Variants in STK39 observed in about 807,000 individuals in gnomAD.
STK39 encodes STE20/SPS1-related proline-alanine-rich protein kinase.
A neutral mutation model predicts 77.8 loss-of-function variants in STK39; 20 were observed. That is an observed-to-expected ratio of 0.26 (90% CI 0.18 to 0.37). The LOEUF is 0.37. Among genes scored for constraint, STK39 ranks in the 10% least tolerant of loss-of-function variants. STK39 has a pLI of 1.00. For missense variants in STK39, 479 were observed against 656.5 expected (o/e 0.73, Z 2.95); for synonymous variants, 246 against 234.1 (o/e 1.05, Z -0.47).
chr2:168,007,780 G>A (rs1294933492), intron 16 of STK39, among the ~76,000 whole-genome samples: 2 of 152,258 alleles, frequency 1.3e-5, no homozygotes, highest in African/African-American at 4.8e-5. Context: ...TCTGAGAAGT[G>A]AGAGGGGACA....
At chr2:168,192,814 G>C (rs73031026) in intron 1 of STK39, among the ~76,000 whole-genome samples, 1 of 152,134 alleles carries the variant, frequency 6.6e-6, no homozygotes, top group Non-Finnish European at 1.5e-5. Context: ...CAGACACCTG[G>C]ATAGAAACTA....
chr2:168,027,298 C>T (rs1448652540), intron 14 of STK39, among the ~76,000 whole-genome samples: 1 of 152,158 alleles, frequency 6.6e-6, no homozygotes, highest in African/African-American at 2.4e-5. Flanking sequence ...ATACTTTCCC[C>T]TCCCCTCCAA....
At chr2:168,105,209 T>G (rs1686938449) in intron 10 of STK39, among the ~76,000 whole-genome samples, 1 of 152,196 alleles carries the variant, frequency 6.6e-6, no homozygotes, top group South Asian at 2.1e-4. Context: ...GCCTGAAAGT[T>G]TGTTAGTATG....
At chr2:168,047,890 C>T (rs1196115281) in intron 14 of STK39, among the ~76,000 whole-genome samples, 1 of 152,180 alleles carries the variant, frequency 6.6e-6, no homozygotes, top group Admixed American at 6.5e-5. Context: ...TCTTCCATAT[C>T]CAAATTCATT....
intron 8 of STK39, among the ~76,000 whole-genome samples, chr2:168,136,145 A>G (rs930741682): frequency 6.6e-5 from 10 of 151,976 alleles, no homozygotes; most frequent in East Asian, 1.9e-4. Flanking sequence ...AAGGCGGGCG[A>G]ATCACGAGGT....
At chr2:168,230,644 AG>A (rs1176048979) in intron 1 of STK39, among the ~76,000 whole-genome samples, 1 of 152,220 alleles carries the variant, frequency 6.6e-6, no homozygotes, top group South Asian at 2.1e-4. Flanking sequence ...TAGCTGATAC[AG>A]GGAATGTCAG....
chr2:168,129,213 T>A (rs941800981), intron 10 of STK39, among the ~76,000 whole-genome samples: 3 of 152,242 alleles, frequency 2.0e-5, no homozygotes, highest in African/African-American at 7.2e-5. Context: ...ATGCCTCTTC[T>A]GTAAAACCCA....
intron 1 of STK39, among the ~76,000 whole-genome samples, chr2:168,231,206 C>T (rs1446798316): frequency 1.3e-5 from 2 of 152,164 alleles, no homozygotes; most frequent in African/African-American, 2.4e-5. Context: ...TATTCCAATA[C>T]AAATACCACT....
At chr2:167,967,713 T>G (rs1449649655) in intron 16 of STK39, among the ~76,000 whole-genome samples, 1 of 152,226 alleles carries the variant, frequency 6.6e-6, no homozygotes, top group African/African-American at 2.4e-5. Context: ...GACACTTTTT[T>G]GGCAAACTAA....
chr2:168,111,715 G>T (rs190719867), intron 10 of STK39, among the ~76,000 whole-genome samples: 69 of 152,266 alleles, frequency 4.5e-4, no homozygotes, highest in African/African-American at 1.5e-3. Context: ...TAAATTCAAA[G>T]AAAAGTTTGC....
At chr2:168,048,004 C>A (rs1685289353) in intron 14 of STK39, among the ~76,000 whole-genome samples, 1 of 152,182 alleles carries the variant, frequency 6.6e-6, no homozygotes, top group South Asian at 2.1e-4. Flanking sequence ...CAGACGACGG[C>A]ACAGAGTTTT....
intron 10 of STK39, among the ~76,000 whole-genome samples, chr2:168,090,704 G>A (rs978345683): frequency 1.3e-5 from 2 of 152,196 alleles, no homozygotes; most frequent in African/African-American, 4.8e-5. Flanking sequence ...TGGGCCAAGA[G>A]TCTCACCCTG....
At chr2:168,050,122 A>G (rs1005738456) in intron 14 of STK39, among the ~76,000 whole-genome samples, 5 of 152,212 alleles carry the variant, frequency 3.3e-5, no homozygotes, top group African/African-American at 4.8e-5. Flanking sequence ...CTTCTTTGTA[A>G]CATTTGGCAT....
intron 1 of STK39, among the ~76,000 whole-genome samples, chr2:168,219,383 A>G (rs1213728184): frequency 6.6e-6 from 1 of 152,138 alleles, no homozygotes; most frequent in Non-Finnish European, 1.5e-5. Flanking sequence ...AGCAGAATAC[A>G]GATAAGTCAG....
chr2:167,995,778 A>G (rs1224329217), intron 16 of STK39, among the ~76,000 whole-genome samples: 1 of 152,218 alleles, frequency 6.6e-6, no homozygotes, highest in Non-Finnish European at 1.5e-5. Flanking sequence ...GCAGTAATTC[A>G]ACAATGAACA....
At chr2:168,117,388 T>C (rs537531220) in intron 10 of STK39, among the ~76,000 whole-genome samples, 5 of 152,244 alleles carry the variant, frequency 3.3e-5, no homozygotes, top group African/African-American at 9.6e-5. Flanking sequence ...ATTTGAAAAA[T>C]AGTTACTAAT....
At chr2:168,130,114 A>AC (rs1687641260) in intron 8 of STK39, among the ~76,000 whole-genome samples, 2 of 152,206 alleles carry the variant, frequency 1.3e-5, no homozygotes, top group African/African-American at 4.8e-5. Context: ...CATACAAGCT[A>AC]CCATATGACC....
At chr2:167,975,073 T>A (rs1322814173) in intron 16 of STK39, among the ~76,000 whole-genome samples, 1 of 152,220 alleles carries the variant, frequency 6.6e-6, no homozygotes, top group Non-Finnish European at 1.5e-5. Context: ...AAAGTTAATA[T>A]GTCTAATGTT....
At chr2:168,106,599 C>T (rs966890925) in intron 10 of STK39, among the ~76,000 whole-genome samples, 6 of 152,148 alleles carry the variant, frequency 3.9e-5, no homozygotes, top group Non-Finnish European at 7.3e-5. Context: ...GCAGGAGGAT[C>T]GCTTGAGCTC....
Sources: allele counts gnomAD v4.1 joint callset (sites outside exome capture counted in the v4.1 genomes callset), GRCh38; gene constraint gnomAD v4.1.1; transcripts MANE v1.5; gene names NCBI Gene and HGNC (gene_info 2026-07-23, HGNC 2026-07-21).